TAF4: variants seen among roughly 807,000 people sequenced by gnomAD.
TAF4 encodes the protein transcription initiation factor TFIID subunit 4.
TAF4 carries 9 observed loss-of-function variants against 90.3 expected under a neutral mutation model. That is an observed-to-expected ratio of 0.10 (90% CI 0.06 to 0.17). TAF4 has a LOEUF of 0.17. TAF4 is among the 10% of genes least tolerant of loss of function. The pLI is 1.00. For missense variants in TAF4, 1,351 were observed against 1,370.7 expected (o/e 0.99, Z 0.23); for synonymous variants, 818 against 638.9 (o/e 1.28, Z -4.23).
At chr20:62,012,673 T>G (rs2055785953) in intron 3 of TAF4, 142 bp downstream of exon 3, 1 of 1,217,618 alleles carries the variant, frequency 8.2e-7, no homozygotes. Context: ...AGCACTTTCT[T>G]CACAGAGAAC....
In TAF4 at chr20:62,023,338, C is replaced by T. The variant is rs186867772; in HGVS notation, c.1361-8631G>A. Among the ~76,000 whole-genome samples the T allele has an allele frequency of 4.6e-5, 7 of 151,604 alleles. No homozygotes were observed. In the South Asian group the frequency reaches 6.2e-4, roughly 14 times the overall value. Reference sequence around the variant, plus strand: ...CACCCCTGTAGTGGAGGCTGAGGCACGAGAATCGCTTGAACCAGAGAGGCG... The same window carrying T: ...CACCCCTGTAGTGGAGGCTGAGGCATGAGAATCGCTTGAACCAGAGAGGCG... On this transcript the variant is annotated intron_variant, in intron 1 of 14. Coordinates refer to ENST00000252996, the MANE Select transcript of TAF4 (RefSeq NM_003185.4).
At chr20:61,983,507 TA>T (rs2055563450) in intron 14 of TAF4, among the ~76,000 whole-genome samples, 1 of 151,952 alleles carries the variant, frequency 6.6e-6, no homozygotes, top group African/African-American at 2.4e-5. Flanking sequence ...CAAAATATTT[TA>T]AAAATTAGTC....
intron 1 of TAF4, among the ~76,000 whole-genome samples, chr20:62,055,419 T>C (rs993251069): frequency 1.3e-5 from 2 of 152,080 alleles, no homozygotes; most frequent in African/African-American, 2.4e-5. Context: ...TGTGATATAA[T>C]CAATTCACAC....
intron 9 of TAF4, among the ~76,000 whole-genome samples, chr20:62,001,699 A>G (rs2123127966): frequency 6.6e-6 from 1 of 152,146 alleles, no homozygotes; most frequent in Non-Finnish European, 1.5e-5. Context: ...TGGGCTGCAC[A>G]GCTTAGGGCT....
chr20:62,053,125 C>G lies in TAF4; in HGVS notation c.1360+11326G>C, dbSNP rs112778656. On this transcript the variant is annotated intron_variant, in intron 1 of 14. Transcript: ENST00000252996. ...CCCAAGCCCAGCCTTCGGGCCCAGGCAGAGCTGCGTCTGGCCCACAGAGCA... is the reference window on the plus strand; with the variant it reads ...CCCAAGCCCAGCCTTCGGGCCCAGGGAGAGCTGCGTCTGGCCCACAGAGCA... Among the ~76,000 whole-genome samples the G allele has an allele frequency of 7.4e-3, 1,120 of 152,318 alleles. 12 individuals carry two copies. The highest frequency in any genetic ancestry group is 0.038 in the South Asian group (184 of 4,822).
chr20:62,049,741 C>G (rs912909654), intron 1 of TAF4, among the ~76,000 whole-genome samples: 1 of 152,028 alleles, frequency 6.6e-6, no homozygotes, highest in African/African-American at 2.4e-5. Flanking sequence ...AGGCAGGGCC[C>G]GGGCAGAGGT....
At chr20:62,035,671 G>A (rs151154681) in intron 1 of TAF4, among the ~76,000 whole-genome samples, 1 of 152,266 alleles carries the variant, frequency 6.6e-6, no homozygotes, top group East Asian at 1.9e-4. Context: ...AAGATGACTT[G>A]AAAAAGCTTA....
At chr20:61,979,068 T>G (rs968439437) in intron 14 of TAF4, 2 of 153,238 alleles carry the variant, frequency 1.3e-5, no homozygotes, top group Non-Finnish European at 2.9e-5. Context: ...TATGTGGATT[T>G]TGGCTCCCGC....
At chr20:62,040,899 AAAG>A (rs1378985532) in intron 1 of TAF4, among the ~76,000 whole-genome samples, 1 of 152,274 alleles carries the variant, frequency 6.6e-6, no homozygotes, top group Non-Finnish European at 1.5e-5. Flanking sequence ...AAATGTTCAA[AAAG>A]AAGCTTTATT....
chr20:61,981,786 C>T (rs2123094137), intron 14 of TAF4, among the ~76,000 whole-genome samples: 1 of 150,642 alleles, frequency 6.6e-6, no homozygotes, highest in South Asian at 2.1e-4. Context: ...AAACCCACAC[C>T]CACCCGAGAG....
At position 61,975,511 on chromosome 20, in the gene TAF4, A is replaced by G. The variant is rs1388545864; in HGVS notation, c.*657T>C. 6.6e-6 allele frequency: 1 copy of G among 152,410 alleles called. No homozygotes were observed. Among genetic ancestry groups the G allele is most frequent in the Admixed American group, 6.5e-5 (1 of 15,276 alleles). The allele number at this position is 152,410 out of a possible 1,614,324, so 9.4% of individuals were successfully genotyped here. ...TAGCAAATAAAATGCATTTGTACAG[A>G]TGCTGACCACACATTCAGAAGGAGC... On this transcript the variant is annotated 3_prime_UTR_variant, in exon 15 of 15. Coordinates refer to ENST00000252996, the MANE Select transcript of TAF4 (RefSeq NM_003185.4).
intron 1 of TAF4, among the ~76,000 whole-genome samples, chr20:62,025,841 G>A (rs1399026454): frequency 6.6e-6 from 1 of 152,182 alleles, no homozygotes; most frequent in Non-Finnish European, 1.5e-5. Flanking sequence ...ATGGGACAAG[G>A]GGCGTGGGAG....
intron 1 of TAF4, among the ~76,000 whole-genome samples, chr20:62,039,150 C>A (rs2055950078): frequency 6.6e-6 from 1 of 152,198 alleles, no homozygotes; most frequent in Admixed American, 6.5e-5. Flanking sequence ...ACGACCAGAA[C>A]AGCCCTCAAC....
chr20:62,033,780 C>T (rs2055917317), intron 1 of TAF4, among the ~76,000 whole-genome samples: 1 of 151,140 alleles, frequency 6.6e-6, no homozygotes, highest in South Asian at 2.1e-4. Flanking sequence ...AGGTGGCTCA[C>T]GCCTGTCATC....
chr20:62,022,188 C>T (rs922183981), intron 1 of TAF4, among the ~76,000 whole-genome samples: 1 of 152,160 alleles, frequency 6.6e-6, no homozygotes, highest in African/African-American at 2.4e-5. Flanking sequence ...GGTGGGCCTG[C>T]GATGGTTTCT....
rs1568929707 is a variant in TAF4 at position 62,006,272 on chromosome 20, G to A, written c.2223+238C>T. On this transcript the variant is annotated intron_variant, in intron 7 of 14. Transcript: ENST00000252996. This position sits in a 1 kb window ranked among gnomAD's most constrained non-coding sequence, Gnocchi z 7.0. ...TCCCCAGACAAGGCAGGGCGGGGAC[G>A]TGCCGGTGGTTCAAAGCCAACTCAA... 6.5e-6 allele frequency: 3 copies of A among 461,016 alleles called. No homozygotes were observed. The highest frequency in any genetic ancestry group is 1.1e-5 in the Non-Finnish European group (3 of 284,956). The allele number at this position is 461,016 out of a possible 1,614,324, so 28.6% of individuals were successfully genotyped here.
chr20:62,065,256 G>T lies in TAF4; in HGVS notation c.555C>A (p.Gly185=). 1 of 774,502 alleles carries T rather than the reference G, an allele frequency of 1.3e-6. No homozygotes were observed. The highest frequency in any genetic ancestry group is 1.4e-6 in the Non-Finnish European group (1 of 705,538). The allele number at this position is 774,502 out of a possible 1,614,324, so 48.0% of individuals were successfully genotyped here. ...GPGPGPGPGP[G]PGKPAGPGAA... is the part of the protein sequence containing the mutation. ...CGCCGGGGCCGGCGGGCTTGCCAGG[G>T]CCAGGGCCGGGGCCGGGGCCGGGGC... Residue 185 remains glycine (G), a synonymous_variant, in exon 1 of 15, where the codon GGC becomes GGA. Coordinates refer to ENST00000252996, the MANE Select transcript of TAF4 (RefSeq NM_003185.4).
intron 1 of TAF4, among the ~76,000 whole-genome samples, chr20:62,043,885 C>T (rs983008790): frequency 2.0e-5 from 3 of 152,182 alleles, no homozygotes; most frequent in African/African-American, 7.2e-5. Flanking sequence ...CGCGACTGTA[C>T]CTGGTTTACA....
In TAF4 at chr20:62,000,692, G is replaced by A; in HGVS notation, c.2516C>T (p.Ser839Leu). ...TTCTGACAAGTTTACTCCAGCCATC[G>A]ATGCAACATCATTAATGTCATCATC... Reference protein sequence around the residue: ...RDDDDINDVASMAGVNLSEES... With the variant: ...RDDDDINDVALMAGVNLSEES... Residue 839 changes from serine to leucine, a missense_variant, in exon 10 of 15, where the codon TCG (serine) becomes TTG (leucine). Around this residue, in one of 9 missense-constraint regions of TAF4, gnomAD observed 6 missense variants for 28.0 expected, o/e 0.21. Coordinates refer to ENST00000252996, the MANE Select transcript of TAF4 (RefSeq NM_003185.4). The A allele has an allele frequency of 3.1e-6, 5 of 1,614,230 alleles. No individual in the cohort carries two copies. Among genetic ancestry groups the A allele is most frequent in the Non-Finnish European group, 3.4e-6 (4 of 1,180,042 alleles).
Sources: gnomAD v4.1 joint callset for allele counts (sites outside exome capture counted in the v4.1 genomes callset) on GRCh38, gnomAD v4.1.1 for gene constraint, gnomAD v4.1.1 regional missense constraint, Gnocchi (gnomAD v3.1) non-coding constraint, MANE v1.5 for transcripts, NCBI Gene and HGNC (gene_info 2026-07-23, HGNC 2026-07-21) for gene names.